Variants in EVI5 observed in about 807,000 individuals in gnomAD.
EVI5 encodes ecotropic viral integration site 5, also known as ecotropic viral integration site 5 protein homolog.
In EVI5, 73 loss-of-function variants were observed where a neutral mutation model predicts 112.0. That is an observed-to-expected ratio of 0.65 (90% CI 0.54 to 0.79). The LOEUF is 0.79. Ranked by LOEUF, EVI5 falls within the 30% of genes least tolerant of loss-of-function variation. The pLI, the probability that EVI5 is intolerant of heterozygous loss-of-function variation, is 0.00. For synonymous variants in EVI5, 305 were observed against 319.9 expected, an observed-to-expected ratio of 0.95 and a Z score of 0.50; for missense variants, 900 against 968.8, an observed-to-expected ratio of 0.93 and a Z score of 0.94.
chr1:92,646,793 C>T (rs570667024), intron 13 of EVI5, among the ~76,000 whole-genome samples: 2 of 152,242 alleles, frequency 1.3e-5, no homozygotes, highest in Admixed American at 1.3e-4. Context: ...ATTATCTTTT[C>T]GTTTTGGGGA....
At chr1:92,783,767 G>A (rs1228895209) in intron 1 of EVI5, among the ~76,000 whole-genome samples, 1 of 139,314 alleles carries the variant, frequency 7.2e-6, no homozygotes, top group Non-Finnish European at 1.5e-5. Flanking sequence ...AACCAACGTC[G>A]CCACTGCACT....
intron 16 of EVI5, among the ~76,000 whole-genome samples, chr1:92,616,164 G>A (rs1653085188): frequency 6.6e-6 from 1 of 152,166 alleles, no homozygotes; most frequent in African/African-American, 2.4e-5. Flanking sequence ...AGACTGGGAT[G>A]GTGGAGTGGA....
At chr1:92,610,573 A>C (rs1651524787) in intron 16 of EVI5, among the ~76,000 whole-genome samples, 1 of 152,206 alleles carries the variant, frequency 6.6e-6, no homozygotes, top group East Asian at 1.9e-4. Context: ...AAAATGCCAA[A>C]ACATAAGCAA....
intron 18 of EVI5, among the ~76,000 whole-genome samples, chr1:92,581,528 T>C (rs1374356165): frequency 6.6e-6 from 1 of 152,232 alleles, no homozygotes; most frequent in Non-Finnish European, 1.5e-5. Context: ...TTTTGCTGAC[T>C]TACACAGCCT....
At chr1:92,641,336 T>C (rs1291349725) in intron 13 of EVI5, among the ~76,000 whole-genome samples, 1 of 152,188 alleles carries the variant, frequency 6.6e-6, no homozygotes, top group Non-Finnish European at 1.5e-5. Context: ...GTGCTTTTCA[T>C]AGGTAGGTTA....
chr1:92,651,573 C>T (rs4120650), intron 13 of EVI5, among the ~76,000 whole-genome samples: 140,263 of 152,234 alleles, frequency 0.92, 64,706 homozygotes, highest in East Asian at 0.97. Flanking sequence ...AATTGGGGGC[C>T]GGGCGCAGTG....
In EVI5 at chr1:92,546,628, G is replaced by A. The variant is rs372709287; in HGVS notation, c.2166+17014C>T. Among the ~76,000 whole-genome samples the A allele has an allele frequency of 7.9e-5, 12 of 152,058 alleles. No individual in the cohort carries two copies. In the East Asian group the frequency reaches 1.9e-3, roughly 25 times the overall value. On this transcript the variant is annotated intron_variant, in intron 19 of 19. Transcript: ENST00000684568. ...GGAGAATTGCTTGAATCCGGGAGGC[G>A]GAGGTTGCAGTGAGCCGAGATCACG... is the stretch of plus-strand genomic sequence containing the variant.
In EVI5 at chr1:92,509,266, T is replaced by G. The variant is rs1215105954; in HGVS notation, c.*4390A>C. 1 of 152,646 alleles carries G rather than the reference T, an allele frequency of 6.6e-6. No homozygotes were observed. Among genetic ancestry groups the G allele is most frequent in the Non-Finnish European group, 1.5e-5 (1 of 68,040 alleles). The allele number at this position is 152,646 out of a possible 1,614,324, so 9.5% of individuals were successfully genotyped here. A position where few individuals can be genotyped will look rare whatever the true frequency, so the allele number is the denominator to read the frequency against. ...ATACTTAAAAAGGTGTAGACCTTATTTTCAATCAAAGGCACTATCTGGAGA... is the reference window on the plus strand; with the variant it reads ...ATACTTAAAAAGGTGTAGACCTTATGTTCAATCAAAGGCACTATCTGGAGA... On this transcript the variant is annotated 3_prime_UTR_variant, in exon 20 of 20. Coordinates refer to ENST00000684568, the MANE Select transcript of EVI5 (RefSeq NM_001350197.2).
At position 92,625,887 on chromosome 1, in the gene EVI5, T is replaced by G; in HGVS notation, c.1575A>C (p.Glu525Asp). ...PDENNIARLQ[E>D]ELIAVKLREA... ...CTCTAAGTTTCACAGCAATGAGTTC[T>G]TCCTGAAGCCTTGCAATATTATTCT... Residue 525 changes from glutamate (E) to aspartate (D), a missense_variant, in exon 15 of 20, where the codon GAA becomes GAC. Transcript: ENST00000684568. 6.2e-7 allele frequency: 1 copy of G among 1,609,748 alleles called. No individual in the cohort carries two copies. The highest frequency in any genetic ancestry group is 2.2e-5 in the East Asian group (1 of 44,798).
intron 19 of EVI5, among the ~76,000 whole-genome samples, chr1:92,540,716 G>A (rs1664647609): frequency 6.6e-6 from 1 of 152,014 alleles, no homozygotes; most frequent in Non-Finnish European, 1.5e-5. Flanking sequence ...TCTGCTGCTT[G>A]TGCCTTTAAT....
chr1:92,537,185 A>G (rs1453754842), intron 19 of EVI5, among the ~76,000 whole-genome samples: 2 of 152,184 alleles, frequency 1.3e-5, no homozygotes. Context: ...GATCACTACT[A>G]GACAGGGTTT....
intron 9 of EVI5, among the ~76,000 whole-genome samples, chr1:92,692,386 G>GT (rs1375152244): frequency 6.6e-6 from 1 of 152,158 alleles, no homozygotes; most frequent in African/African-American, 2.4e-5. Flanking sequence ...GAGATAATTT[G>GT]TTTTTATCAG....
chr1:92,684,022 A>G (rs1668059133), intron 9 of EVI5, among the ~76,000 whole-genome samples: 1 of 152,204 alleles, frequency 6.6e-6, no homozygotes, highest in African/African-American at 2.4e-5. Context: ...GCAAGGCAGG[A>G]CAACATTCAA....
chr1:92,543,460 C>T (rs1276720933), intron 19 of EVI5, among the ~76,000 whole-genome samples: 1 of 152,202 alleles, frequency 6.6e-6, no homozygotes, highest in Non-Finnish European at 1.5e-5. Context: ...ATCTTCTATC[C>T]AGATCACTCA....
chr1:92,765,310 C>T (rs953332474), intron 1 of EVI5, among the ~76,000 whole-genome samples: 3 of 150,360 alleles, frequency 2.0e-5, no homozygotes, highest in African/African-American at 7.3e-5. Flanking sequence ...CCACCTCAGC[C>T]TCTCAAAGTG....
At chr1:92,641,434 G>T (rs559929528) in intron 13 of EVI5, among the ~76,000 whole-genome samples, 17 of 152,234 alleles carry the variant, frequency 1.1e-4, no homozygotes, top group African/African-American at 3.9e-4. Flanking sequence ...AACATAGGAA[G>T]TGGAAGTTGA....
At chr1:92,560,024 T>C (rs1668286813) in intron 19 of EVI5, among the ~76,000 whole-genome samples, 1 of 152,162 alleles carries the variant, frequency 6.6e-6, no homozygotes, top group Non-Finnish European at 1.5e-5. Flanking sequence ...TAAGAAAGAC[T>C]GACAATTCCA....
intron 13 of EVI5, among the ~76,000 whole-genome samples, chr1:92,643,241 T>A (rs894990280): frequency 2.0e-5 from 3 of 152,016 alleles, no homozygotes; most frequent in Non-Finnish European, 4.4e-5. Context: ...CTTATTTACT[T>A]AATTTATTTA....
At chr1:92,751,125 G>A (rs1306583019) in intron 1 of EVI5, among the ~76,000 whole-genome samples, 1 of 152,084 alleles carries the variant, frequency 6.6e-6, no homozygotes, top group Non-Finnish European at 1.5e-5. Flanking sequence ...ACTGTAGCCT[G>A]AGCGACAGAA....
Sources: gnomAD v4.1 joint callset for allele counts (sites outside exome capture counted in the v4.1 genomes callset) on GRCh38, gnomAD v4.1.1 for gene constraint, MANE v1.5 for transcripts, NCBI Gene and HGNC (gene_info 2026-07-23, HGNC 2026-07-21) for gene names.